The following DCX variants were observed in gnomAD, a reference collection of about 807,000 sequenced individuals.
The protein encoded by DCX is neuronal migration protein doublecortin.
A neutral mutation model predicts 20.9 loss-of-function variants in DCX; 4 were observed. The observed-to-expected ratio is 0.19, with a 90% confidence interval of 0.09 to 0.44. DCX has a LOEUF of 0.44. Among genes scored for constraint, DCX ranks in the 20% least tolerant of loss-of-function variants. The probability of loss-of-function intolerance (pLI) is 0.99; values close to 1 mark genes in which losing one functional copy is unlikely to be tolerated. For synonymous variants in DCX, 103 were observed against 111.4 expected (o/e 0.92, Z 0.47); for missense variants, 133 against 296.9 (o/e 0.45, Z 4.06).
At chrX:111,355,437 T>C (rs754507396) in intron 3 of DCX, among the ~76,000 whole-genome samples, 1 of 111,499 alleles carries the variant, frequency 9.0e-6, no homozygotes, top group Non-Finnish European at 1.9e-5. Flanking sequence ...CTGAAATACA[T>C]CTATTATTAA....
At chrX:111,319,789 C>A (rs767737664) in intron 5 of DCX, among the ~76,000 whole-genome samples, 17 of 111,848 alleles carry the variant, frequency 1.5e-4, no homozygotes, top group Non-Finnish European at 1.1e-4. Flanking sequence ...GAGTGGTGGG[C>A]AACCCCGGTA....
At chrX:111,310,382 CAT>C (rs996980927) in intron 6 of DCX, among the ~76,000 whole-genome samples, 7 of 110,536 alleles carry the variant, frequency 6.3e-5, no homozygotes, top group Non-Finnish European at 9.5e-5. Context: ...AAAATAATAA[CAT>C]GTACTATATG....
chrX:111,344,306 G>A (rs1299353815), intron 3 of DCX, among the ~76,000 whole-genome samples: 1 of 111,844 alleles, frequency 8.9e-6, no homozygotes, highest in East Asian at 2.8e-4. Flanking sequence ...AAAGCTAGAA[G>A]CATTTCTTTT....
At chrX:111,339,584 C>T (rs1922040141) in intron 3 of DCX, among the ~76,000 whole-genome samples, 1 of 111,798 alleles carries the variant, frequency 8.9e-6, no homozygotes, top group African/African-American at 3.3e-5. Flanking sequence ...TATTACCCAG[C>T]TTCAGGTAAT....
intron 3 of DCX, among the ~76,000 whole-genome samples, chrX:111,385,697 GAAA>G (rs1164773666): frequency 1.4e-5 from 1 of 71,750 alleles, no homozygotes; most frequent in Non-Finnish European, 2.9e-5. Flanking sequence ...AAGAAAGCAA[GAAA>G]GCAAGAAAGC....
intron 1 of DCX, chrX:111,411,181 T>C (rs1329401060): frequency 2.4e-6 from 1 of 414,828 alleles, no homozygotes; most frequent in African/African-American, 2.5e-5. Context: ...ATAAGTTATT[T>C]AACAAGTTAC....
At chrX:111,342,358 T>TATATATA (rs1489675526) in intron 3 of DCX, among the ~76,000 whole-genome samples, 2 of 72,779 alleles carry the variant, frequency 2.7e-5, no homozygotes, top group East Asian at 4.8e-4. Flanking sequence ...TATATATATA[T>TATATATA]ATATATATAT....
At chrX:111,325,415 T>C (rs754693112) in intron 5 of DCX, among the ~76,000 whole-genome samples, 1 of 111,149 alleles carries the variant, frequency 9.0e-6, no homozygotes, top group Non-Finnish European at 1.9e-5. Flanking sequence ...ATGTGTGACA[T>C]GGAAGATCCC....
intron 5 of DCX, among the ~76,000 whole-genome samples, chrX:111,316,761 G>C (rs1189427361): frequency 9.0e-6 from 1 of 111,305 alleles, no homozygotes; most frequent in Non-Finnish European, 1.9e-5. Flanking sequence ...AACATCACTA[G>C]CCTTCCGAGA....
chrX:111,365,452 A>G (rs1397228752), intron 3 of DCX, among the ~76,000 whole-genome samples: 1 of 110,552 alleles, frequency 9.0e-6, no homozygotes, highest in African/African-American at 3.3e-5. Context: ...AGAATGGGGT[A>G]TCCGTCCTCT....
chrX:111,410,489 A>C, intron 1 of DCX, 69 bp from the exon 2 acceptor site: 1 of 1,167,475 alleles, frequency 8.6e-7, no homozygotes, highest in Non-Finnish European at 1.2e-6. Context: ...GAAGGAAAAA[A>C]GAAGGGATTT....
chrX:111,307,291 C>CAT (rs202223116), intron 6 of DCX, among the ~76,000 whole-genome samples: 1,654 of 106,896 alleles, frequency 0.015, 14 homozygotes, highest in Non-Finnish European at 0.025. Context: ...ATGATATATA[C>CAT]ATATATATAT....
At position 111,356,914 on chromosome X, in the gene DCX, G is replaced by A. The variant is rs189887656; in HGVS notation, c.706-23761C>T. Among the ~76,000 whole-genome samples the A allele has an allele frequency of 6.3e-5, 7 of 111,753 alleles. No homozygotes were observed. In the East Asian group the frequency reaches 2.0e-3, roughly 31 times the overall value. On this transcript the variant is annotated intron_variant, in intron 3 of 6. Coordinates refer to ENST00000636035, the MANE Select transcript of DCX (RefSeq NM_001195553.2). ...AAATGGGCAATATAGCGAGATTCCT[G>A]TTTCTACAAAATACACATAAATAAA...
Position 111,333,048 on chromosome X carries a change from T to C in DCX, c.808+3A>G, listed in dbSNP as rs754835036. 5 of 1,191,729 alleles carry C rather than the reference T, an allele frequency of 4.2e-6. No individual in the cohort carries two copies. The highest frequency in any genetic ancestry group is 3.4e-6 in the Non-Finnish European group (3 of 877,671). ...AGCAATAAAACCCAGTGGTTATGCT[T>C]ACCATTTTCATCCAGAGAAAAATCA... is the stretch of plus-strand genomic sequence containing the variant. On this transcript the variant is annotated splice_donor_region_variant and intron_variant, in intron 4 of 6. Coordinates refer to ENST00000636035, the MANE Select transcript of DCX (RefSeq NM_001195553.2).
chrX:111,400,877 G>T, intron 3 of DCX, 113 bp downstream of exon 3: 1 of 687,550 alleles, frequency 1.5e-6, no homozygotes, highest in Non-Finnish European at 2.3e-6. Context: ...ATATCAGGTT[G>T]TGATGATGAG....
At chrX:111,381,117 G>A (rs1925933142) in intron 3 of DCX, among the ~76,000 whole-genome samples, 1 of 109,722 alleles carries the variant, frequency 9.1e-6, no homozygotes, top group Non-Finnish European at 1.9e-5. Flanking sequence ...ATGATGTTCT[G>A]GAAAGAATTC....
At chrX:111,395,276 C>T (rs933906647) in intron 3 of DCX, among the ~76,000 whole-genome samples, 1 of 111,947 alleles carries the variant, frequency 8.9e-6, no homozygotes, top group Non-Finnish European at 1.9e-5. Context: ...GACTAAAACT[C>T]AGGCCTCTGA....
rs747505438 is a variant in DCX at position 111,382,841 on chromosome X, CA to C, written c.705+18148del. Among the ~76,000 whole-genome samples the C allele has an allele frequency of 5.3e-3, 590 of 111,411 alleles. 7 individuals carry two copies. The highest frequency in any genetic ancestry group is 0.018 in the African/African-American group (543 of 30,700). On this transcript the variant is annotated intron_variant, in intron 3 of 6. Transcript: ENST00000636035. ...TGGGCATGCATAGGGAATCATCTCA[CA>C]TTTTTTTTTCATTTTCTCTTCTAGG...
chrX:111,305,889 T>G (rs2095044406), intron 6 of DCX, among the ~76,000 whole-genome samples: 1 of 111,184 alleles, frequency 9.0e-6, no homozygotes, highest in African/African-American at 3.3e-5. Flanking sequence ...TGTATTAAAA[T>G]GTAAATTGTA....
Sources: allele counts gnomAD v4.1 joint callset (sites outside exome capture counted in the v4.1 genomes callset), GRCh38; gene constraint gnomAD v4.1.1; transcripts MANE v1.5; gene names NCBI Gene and HGNC (gene_info 2026-07-23, HGNC 2026-07-21).